PACC1: variants seen among roughly 807,000 people sequenced by gnomAD.
The protein encoded by PACC1 is proton-activated chloride channel.
PACC1 carries 34 observed loss-of-function variants against 39.7 expected under a neutral mutation model. The ratio of observed to expected loss-of-function variants is 0.86; its 90% CI spans 0.65 to 1.14. The LOEUF (loss-of-function observed/expected upper bound fraction) is 1.14, where lower values mean the gene tolerates loss of function less well. Ranked by LOEUF, PACC1 falls within the 50% of genes most tolerant of loss-of-function variation. PACC1 has a pLI of 0.00. For missense variants in PACC1, 379 were observed against 436.4 expected, an observed-to-expected ratio of 0.87 and a Z score of 1.17; for synonymous variants, 127 against 160.6, an observed-to-expected ratio of 0.79 and a Z score of 1.58.
chr1:212,399,328 A>C (rs1661631629), intron 2 of PACC1, among the ~76,000 whole-genome samples: 1 of 147,782 alleles, frequency 6.8e-6, no homozygotes. Context: ...AGAATGAGAG[A>C]GTCTTAAGAG....
At position 212,387,083 on chromosome 1, in the gene PACC1, C is replaced by T. The variant is rs756657415; in HGVS notation, c.151G>A (p.Ala51Thr). The change falls in exon 3 of 8, where the codon GCC (alanine) becomes ACC (threonine). Residue 51 changes from alanine to threonine, a missense_variant. Transcript: ENST00000261455. ...TTGCTGAAGCGGATGCTGCTGGAGG[C>T]GGACTCGCTGTCCAGGCCTGACAAC... The part of the protein sequence containing the change: ...GILPGLDSES[A>T]SSSIRFSKAC... 29 of 1,613,838 alleles carry T rather than the reference C, an allele frequency of 1.8e-5. No homozygotes were observed. In the Admixed American group the frequency reaches 3.3e-4, roughly 19 times the overall value.
chr1:212,367,452 C>G (rs1660286830), intron 7 of PACC1, among the ~76,000 whole-genome samples: 1 of 152,146 alleles, frequency 6.6e-6, no homozygotes, highest in African/African-American at 2.4e-5. Flanking sequence ...AGGCTAGAGC[C>G]CGTGAAAAGA....
chr1:212,370,733 T>G (rs934466610), intron 7 of PACC1, among the ~76,000 whole-genome samples: 5 of 152,132 alleles, frequency 3.3e-5, no homozygotes, highest in African/African-American at 1.2e-4. Context: ...AATTTTAACA[T>G]TTATTGAACA....
intron 2 of PACC1, among the ~76,000 whole-genome samples, chr1:212,402,259 G>A (rs952620859): frequency 1.3e-5 from 2 of 152,198 alleles, no homozygotes; most frequent in Non-Finnish European, 2.9e-5. Context: ...CACAGCAGCT[G>A]CACCATTTTA....
chr1:212,401,164 T>C (rs1661695944), intron 2 of PACC1, among the ~76,000 whole-genome samples: 1 of 152,158 alleles, frequency 6.6e-6, no homozygotes, highest in Non-Finnish European at 1.5e-5. Context: ...ACCACCACTA[T>C]CTACAGAAAA....
In PACC1 at chr1:212,379,995, G is replaced by A. The variant is rs772572594; in HGVS notation, c.538C>T (p.Arg180Trp). The change falls in exon 5 of 8, where the codon CGG (arginine) becomes TGG (tryptophan). Residue 180 changes from arginine (R) to tryptophan (W), a missense_variant. Arg to Trp is a moderately radical substitution (Grantham distance 101). Transcript: ENST00000261455. Reference sequence around the variant, plus strand: ...CGGAACTGGAGGAAGACCAGCTCCCGCTTTTTCACTTCCCGGGGCCCCTGG... The same window carrying A: ...CGGAACTGGAGGAAGACCAGCTCCCACTTTTTCACTTCCCGGGGCCCCTGG... ...IVQGPREVKKRELVFLQFRLN... is the reference protein window; with the variant it reads ...IVQGPREVKKWELVFLQFRLN... 8 of 1,614,170 alleles carry A rather than the reference G, an allele frequency of 5.0e-6. No homozygotes were observed. Among genetic ancestry groups the A allele is most frequent in the South Asian group, 2.2e-5 (2 of 91,076 alleles).
chr1:212,394,639 T>C (rs1661446347), intron 2 of PACC1, among the ~76,000 whole-genome samples: 1 of 152,140 alleles, frequency 6.6e-6, no homozygotes, highest in African/African-American at 2.4e-5. Context: ...AAAGAGGAAG[T>C]CAAATTGTCC....
At chr1:212,407,249 A>G (rs1304558480) in intron 2 of PACC1, among the ~76,000 whole-genome samples, 3 of 152,196 alleles carry the variant, frequency 2.0e-5, no homozygotes, top group African/African-American at 7.2e-5. Flanking sequence ...TCGACGAGCC[A>G]CTGCTGGTTT....
rs893880550 is a variant in PACC1 at position 212,410,463 on chromosome 1, T to G, written c.95A>C (p.Lys32Thr). ...ENSELADEQD[K>T]ETVRVQGPGI... Reference sequence around the variant, plus strand: ...CGGACCTTGGACTCTGACCGTCTCCTTGTCCTGCTCGTCTGCCAGCTCTGA... The same window carrying G: ...CGGACCTTGGACTCTGACCGTCTCCGTGTCCTGCTCGTCTGCCAGCTCTGA... The change falls in exon 2 of 8, where the codon AAG becomes ACG. Residue 32 changes from lysine (K) to threonine (T), a missense_variant. Physicochemically the swap from Lys to Thr is moderately conservative, Grantham distance 78. Transcript: ENST00000261455. 4 of 1,614,056 alleles carry G rather than the reference T, an allele frequency of 2.5e-6. No individual in the cohort carries two copies. The African/African-American group carries it at 5.3e-5, about 22-fold the overall frequency.
intron 7 of PACC1, among the ~76,000 whole-genome samples, chr1:212,371,519 T>C (rs745354149): frequency 1.4e-4 from 22 of 152,112 alleles, no homozygotes; most frequent in South Asian, 2.1e-4. Context: ...AAAACCTGAA[T>C]AGACCAATAT....
At position 212,379,209 on chromosome 1, in the gene PACC1, G is replaced by C. The variant is rs572953302; in HGVS notation, c.638+686C>G. On this transcript the variant is annotated intron_variant, in intron 5 of 7. Transcript: ENST00000261455. ...CCGCCCACCTTGGCCTCCCAAAGTG[G>C]TAGGATTACAGGTGTGAGCCACCAC... Among the ~76,000 whole-genome samples the C allele has an allele frequency of 3.4e-4, 51 of 152,200 alleles. No individual in the cohort carries two copies. In the South Asian group the frequency reaches 5.6e-3, roughly 17 times the overall value.
intron 7 of PACC1, among the ~76,000 whole-genome samples, chr1:212,370,116 A>G (rs1256924016): frequency 6.6e-6 from 1 of 152,242 alleles, no homozygotes; most frequent in African/African-American, 2.4e-5. Context: ...CAGAAAATCA[A>G]CAAACATGGG....
In PACC1 at chr1:212,379,947, A is replaced by C. The variant is rs754371785; in HGVS notation, c.586T>G (p.Phe196Val). ...AAGAGGAGGTAATCAATGGCGCTGA[A>C]GTCCTCACTACTCTTGTTCAGGCGG... ...QFRLNKSSEDFSAIDYLLFSS... is the reference protein window; with the variant it reads ...QFRLNKSSEDVSAIDYLLFSS... Residue 196 changes from phenylalanine to valine, a missense_variant, in exon 5 of 8, where the codon TTC (phenylalanine) becomes GTC (valine). Physicochemically the swap from Phe to Val is conservative, Grantham distance 50. Coordinates refer to ENST00000261455, the MANE Select transcript of PACC1 (RefSeq NM_018252.3). 3 of 1,614,124 alleles carry C rather than the reference A, an allele frequency of 1.9e-6. No homozygotes were observed. The highest frequency in any genetic ancestry group is 1.3e-5 in the African/African-American group (1 of 74,948).
intron 2 of PACC1, among the ~76,000 whole-genome samples, chr1:212,388,910 A>T (rs12141427): frequency 1.3e-5 from 2 of 152,072 alleles, no homozygotes; most frequent in Non-Finnish European, 2.9e-5. Context: ...GAACAAGGGA[A>T]GCATCTGAAC....
At chr1:212,394,099 C>T (rs1282741299) in intron 2 of PACC1, among the ~76,000 whole-genome samples, 2 of 152,174 alleles carry the variant, frequency 1.3e-5, no homozygotes, top group Non-Finnish European at 2.9e-5. Context: ...AGGCCAGCAT[C>T]ATCCTGATAC....
At chr1:212,410,334 A>AG (rs1404655762) in intron 2 of PACC1, 91 bp downstream of exon 2, 1 of 1,119,460 alleles carries the variant, frequency 8.9e-7, no homozygotes, top group African/African-American at 1.5e-5. Context: ...GGTGCAGGGA[A>AG]GGGGGCTCCT....
intron 7 of PACC1, among the ~76,000 whole-genome samples, chr1:212,366,878 C>T (rs546881611): frequency 1.2e-4 from 19 of 152,302 alleles, no homozygotes; most frequent in African/African-American, 3.8e-4. Context: ...AGAGCAAGCA[C>T]ATCCGTATCA....
intron 1 of PACC1, among the ~76,000 whole-genome samples, chr1:212,413,650 G>C (rs753354189): frequency 3.9e-5 from 6 of 152,198 alleles, no homozygotes; most frequent in Non-Finnish European, 8.8e-5. Flanking sequence ...TGGGTTAGGA[G>C]GTGGCAAAGG....
At position 212,414,838 on chromosome 1, in the gene PACC1, G is replaced by A. The variant is rs1229952741; in HGVS notation, c.-81C>T. ...CGCAGCACTGCGGCCGCTGCACCTG[G>A]ACCTACCGGCTCCGCGAGGCGAAAC... is the stretch of plus-strand genomic sequence containing the variant. On this transcript the variant is annotated 5_prime_UTR_variant, in exon 1 of 8. Coordinates refer to ENST00000261455, the MANE Select transcript of PACC1 (RefSeq NM_018252.3). 5.7e-6 allele frequency: 9 copies of A among 1,571,934 alleles called. No individual in the cohort carries two copies. The highest frequency in any genetic ancestry group is 2.3e-5 in the East Asian group (1 of 43,670).
Sources: allele counts gnomAD v4.1 joint callset (sites outside exome capture counted in the v4.1 genomes callset), GRCh38; gene constraint gnomAD v4.1.1; transcripts MANE v1.5; gene names NCBI Gene and HGNC (gene_info 2026-07-23, HGNC 2026-07-21).